Variants in SPATS2 observed in about 807,000 individuals in gnomAD.
SPATS2 encodes the protein spermatogenesis-associated serine-rich protein 2.
Under a neutral mutation model 63.7 loss-of-function variants are expected in SPATS2, and 38 were observed. The ratio of observed to expected loss-of-function variants is 0.60; its 90% CI spans 0.46 to 0.78. The LOEUF is 0.78. Ranked by LOEUF, SPATS2 falls within the 30% of genes least tolerant of loss-of-function variation. The pLI is 0.00. For missense variants in SPATS2, 588 were observed against 666.2 expected, an observed-to-expected ratio of 0.88 and a Z score of 1.29; for synonymous variants, 207 against 232.9, an observed-to-expected ratio of 0.89 and a Z score of 1.01.
intron 2 of SPATS2, chr12:49,406,406 T>A (rs1944698192): frequency 6.6e-6 from 1 of 152,030 alleles, no homozygotes; most frequent in Non-Finnish European, 1.5e-5. Context: ...CACTTCAGCC[T>A]CCCCAGTAGC....
At chr12:49,466,848 G>T (rs1014116191) in intron 3 of SPATS2, among the ~76,000 whole-genome samples, 3 of 152,124 alleles carry the variant, frequency 2.0e-5, no homozygotes, top group African/African-American at 7.2e-5. Flanking sequence ...CTTGGAATCT[G>T]ATAGAGAGTG....
intron 9 of SPATS2, among the ~76,000 whole-genome samples, chr12:49,510,257 T>G (rs1182778000): frequency 2.0e-5 from 3 of 147,126 alleles, no homozygotes; most frequent in Non-Finnish European, 3.0e-5. Context: ...AGCAAGACCC[T>G]GTCTTAAAAA....
chr12:49,440,594 G>A (rs536763061), intron 2 of SPATS2, among the ~76,000 whole-genome samples: 6 of 151,350 alleles, frequency 4.0e-5, no homozygotes, highest in Non-Finnish European at 7.4e-5. Context: ...TCAGCCTCCC[G>A]AGTAGCTGGG....
chr12:49,385,607 T>A (rs1944300697), intron 2 of SPATS2, among the ~76,000 whole-genome samples: 1 of 152,096 alleles, frequency 6.6e-6, no homozygotes, highest in South Asian at 2.1e-4. Flanking sequence ...CAGTGGGAGT[T>A]TGTGAAAATT....
rs1050560412 is a variant in SPATS2, at chr12:49,402,504, C to T, written c.-244+31214C>T. Among the ~76,000 whole-genome samples the T allele has an allele frequency of 5.9e-5, 9 of 152,060 alleles. No homozygotes were observed. The East Asian group carries it at 1.3e-3, about 23-fold the overall frequency. On this transcript the variant is annotated intron_variant, in intron 2 of 13. Transcript: ENST00000552918. Reference sequence around the variant, plus strand: ...TGTTGGGGGACTATAATTATTGTAACGACAAGGTCTAGGGTATTGACTGTG... The same window carrying T: ...TGTTGGGGGACTATAATTATTGTAATGACAAGGTCTAGGGTATTGACTGTG...
chr12:49,373,702 G>A (rs756648333), intron 2 of SPATS2, among the ~76,000 whole-genome samples: 7 of 152,054 alleles, frequency 4.6e-5, no homozygotes, highest in Admixed American at 2.0e-4. Context: ...CAAGGTGGGC[G>A]GATCATCAGG....
At chr12:49,459,244 G>A (rs762225394) in intron 2 of SPATS2, among the ~76,000 whole-genome samples, 29 of 152,146 alleles carry the variant, frequency 1.9e-4, no homozygotes, top group Non-Finnish European at 2.6e-4. Flanking sequence ...CTGGTGGAGG[G>A]ACTTGTGTGC....
At chr12:49,429,079 G>T (rs1025542765) in intron 2 of SPATS2, among the ~76,000 whole-genome samples, 2 of 152,126 alleles carry the variant, frequency 1.3e-5, no homozygotes, top group Admixed American at 1.3e-4. Context: ...CTCCTTTTGA[G>T]CTCCCTCTAC....
intron 2 of SPATS2, among the ~76,000 whole-genome samples, chr12:49,448,428 C>T (rs1271449431): frequency 6.6e-6 from 1 of 151,986 alleles, no homozygotes; most frequent in East Asian, 1.9e-4. Context: ...CGTGAGCCAC[C>T]ACGCCTGGCT....
At chr12:49,521,029 A>G (rs1362841531) in intron 11 of SPATS2, among the ~76,000 whole-genome samples, 2 of 152,142 alleles carry the variant, frequency 1.3e-5, no homozygotes, top group African/African-American at 4.8e-5. Context: ...AAATTCTTAT[A>G]TAAAGAACAG....
At chr12:49,523,199 G>A (rs1394407717) in intron 12 of SPATS2, among the ~76,000 whole-genome samples, 2 of 152,248 alleles carry the variant, frequency 1.3e-5, no homozygotes, top group South Asian at 2.1e-4. Flanking sequence ...AACAGGCCAC[G>A]CGCCGAGGCT....
intron 2 of SPATS2, among the ~76,000 whole-genome samples, chr12:49,449,046 A>C (rs550583145): frequency 6.6e-6 from 1 of 152,388 alleles, no homozygotes; most frequent in African/African-American, 2.4e-5. Context: ...CTTTATTTAC[A>C]AAAACAGGCA....
chr12:49,387,782 A>G (rs1249954906), intron 2 of SPATS2, among the ~76,000 whole-genome samples: 1 of 150,740 alleles, frequency 6.6e-6, no homozygotes, highest in African/African-American at 2.4e-5. Flanking sequence ...ACTGGAGGTG[A>G]GGGTGGGAGT....
chr12:49,417,974 G>A (rs1021174214), intron 2 of SPATS2, among the ~76,000 whole-genome samples: 1 of 152,106 alleles, frequency 6.6e-6, no homozygotes, highest in African/African-American at 2.4e-5. Flanking sequence ...TCCACCTCCC[G>A]GCTTATGCCA....
intron 2 of SPATS2, among the ~76,000 whole-genome samples, chr12:49,440,571 C>T (rs1227134407): frequency 2.0e-5 from 3 of 151,536 alleles, no homozygotes; most frequent in African/African-American, 4.9e-5. Context: ...CGAGTTCAAG[C>T]GATTCTTCTG....
intron 2 of SPATS2, among the ~76,000 whole-genome samples, chr12:49,412,834 G>A (rs1224321270): frequency 6.6e-6 from 1 of 151,946 alleles, no homozygotes; most frequent in African/African-American, 2.4e-5. Context: ...AGTTAGATTG[G>A]CATAAATCTT....
At chr12:49,501,274 T>C (rs1351061976) in intron 9 of SPATS2, among the ~76,000 whole-genome samples, 1 of 152,092 alleles carries the variant, frequency 6.6e-6, no homozygotes, top group Non-Finnish European at 1.5e-5. Context: ...AAGTTTAAGG[T>C]CAAGGGGCCC....
chr12:49,468,549 A>G (rs1247116356), intron 3 of SPATS2, among the ~76,000 whole-genome samples: 1 of 151,748 alleles, frequency 6.6e-6, no homozygotes, highest in African/African-American at 2.4e-5. Context: ...TGATCTGTGC[A>G]CACTGCAACC....
intron 2 of SPATS2, among the ~76,000 whole-genome samples, chr12:49,377,376 C>G (rs1944127078): frequency 6.6e-6 from 1 of 152,088 alleles, no homozygotes; most frequent in African/African-American, 2.4e-5. Flanking sequence ...GGTCTCTAGC[C>G]TGATGAAAAA....
Sources: gnomAD v4.1 joint callset for allele counts (sites outside exome capture counted in the v4.1 genomes callset) on GRCh38, gnomAD v4.1.1 for gene constraint, MANE v1.5 for transcripts, NCBI Gene and HGNC (gene_info 2026-07-23, HGNC 2026-07-21) for gene names.